OSBP2: variants seen among roughly 807,000 people sequenced by gnomAD.
The protein encoded by OSBP2 is oxysterol-binding protein 2.
Under a neutral mutation model 96.0 loss-of-function variants are expected in OSBP2, and 66 were observed. The observed-to-expected ratio is 0.69, with a 90% CI of 0.56 to 0.84. The LOEUF is 0.84. Ranked by LOEUF, OSBP2 falls within the 40% of genes least tolerant of loss-of-function variation. The pLI is 0.00. For missense variants in OSBP2, 1,038 were observed against 1,222.7 expected (o/e 0.85, Z 2.25); for synonymous variants, 525 against 520.9 (o/e 1.01, Z -0.11).
chr22:30,730,809 A>ATAT (rs1569100787), intron 1 of OSBP2, among the ~76,000 whole-genome samples: 7 of 21,250 alleles, frequency 3.3e-4, no homozygotes, highest in Non-Finnish European at 5.0e-4. Context: ...TATATATATA[A>ATAT]TTTTTTTTTT....
rs377696016 is a variant in OSBP2, at chr22:30,884,924, C to T, written c.1108-2502C>T. Among the ~76,000 whole-genome samples, 213 of 152,314 alleles carry T rather than the reference C, an allele frequency of 1.4e-3. 1 individual carries two copies. The highest frequency in any genetic ancestry group is 4.8e-3 in the African/African-American group (200 of 41,556). On this transcript the variant is annotated intron_variant, in intron 3 of 13. Transcript: ENST00000332585. ...CCGACCCAATGGGCAGGCATCTGAG[C>T]GGTTCTGACTGAGGGGCAGGCCGTT... is the stretch of plus-strand genomic sequence containing the variant.
chr22:30,774,885 T>C (rs2090408618), intron 2 of OSBP2, among the ~76,000 whole-genome samples: 1 of 152,226 alleles, frequency 6.6e-6, no homozygotes, highest in African/African-American at 2.4e-5. Context: ...GATGATAGCA[T>C]CACTTTTTAT....
rs759342507 is a variant in OSBP2, at chr22:30,906,214, T to G, written c.2626T>G (p.Tyr876Asp). 5 of 1,614,018 alleles carry G rather than the reference T, an allele frequency of 3.1e-6. No individual in the cohort carries two copies. The highest frequency in any genetic ancestry group is 3.4e-6 in the Non-Finnish European group (4 of 1,180,036). The change falls in exon 14 of 14, where the codon TAC (tyrosine) becomes GAC (aspartate). Residue 876 changes from tyrosine to aspartate, a missense_variant. Tyr to Asp is a radical substitution (Grantham distance 160). Coordinates refer to ENST00000332585, the MANE Select transcript of OSBP2 (RefSeq NM_030758.4). Reference protein sequence around the residue: ...SSEEEKEADAYTPLWFEKRLD... With the variant: ...SSEEEKEADADTPLWFEKRLD... ...CCCAGCAGAGAAGGAGGCGGATGCC[T>G]ACACGCCACTGTGGTTTGAGAAGAG...
intron 2 of OSBP2, among the ~76,000 whole-genome samples, chr22:30,776,040 C>T (rs1442454886): frequency 6.6e-6 from 1 of 151,992 alleles, no homozygotes; most frequent in African/African-American, 2.4e-5. Context: ...TAGTGATCTT[C>T]CCACTTCAGC....
intron 2 of OSBP2, among the ~76,000 whole-genome samples, chr22:30,857,130 C>T (rs962021084): frequency 5.9e-5 from 9 of 152,194 alleles, no homozygotes; most frequent in African/African-American, 9.6e-5. Flanking sequence ...TACCAGCCGA[C>T]GGTAGTGACT....
At chr22:30,779,932 C>T (rs1304637144) in intron 2 of OSBP2, among the ~76,000 whole-genome samples, 4 of 152,352 alleles carry the variant, frequency 2.6e-5, no homozygotes, top group Admixed American at 2.6e-4. Context: ...CTCCCCACAG[C>T]TTGTCTTCCC....
At chr22:30,768,506 G>A (rs1479061148) in intron 2 of OSBP2, among the ~76,000 whole-genome samples, 3 of 151,876 alleles carry the variant, frequency 2.0e-5, no homozygotes, top group South Asian at 2.1e-4. Context: ...GCGAAACCCC[G>A]TCTCTACTAA....
chr22:30,839,038 C>T (rs1245341312), intron 2 of OSBP2, among the ~76,000 whole-genome samples: 1 of 130,704 alleles, frequency 7.7e-6, no homozygotes, highest in African/African-American at 2.9e-5. Context: ...GTGATGGTCC[C>T]CTTCCGGTGT....
intron 2 of OSBP2, among the ~76,000 whole-genome samples, chr22:30,821,505 C>A (rs770360525): frequency 1.3e-5 from 2 of 152,116 alleles, no homozygotes; most frequent in Non-Finnish European, 2.9e-5. Flanking sequence ...TCCAGAGTTT[C>A]TGACCCGAAT....
At chr22:30,891,317 G>A (rs1358428245) in intron 8 of OSBP2, among the ~76,000 whole-genome samples, 2 of 152,194 alleles carry the variant, frequency 1.3e-5, no homozygotes, top group Non-Finnish European at 2.9e-5. Flanking sequence ...GGTCACTACC[G>A]AGCTGAAGGC....
At chr22:30,834,274 T>C (rs893256979) in intron 2 of OSBP2, among the ~76,000 whole-genome samples, 1 of 152,228 alleles carries the variant, frequency 6.6e-6, no homozygotes, top group African/African-American at 2.4e-5. Flanking sequence ...ACTTTGGGGC[T>C]ATTATAAATC....
intron 2 of OSBP2, among the ~76,000 whole-genome samples, chr22:30,827,472 A>G (rs771416683): frequency 8.5e-5 from 13 of 152,184 alleles, no homozygotes; most frequent in Non-Finnish European, 1.5e-4. Flanking sequence ...AGTAATACGT[A>G]TGGAAGCCCC....
At position 30,695,252 on chromosome 22, in the gene OSBP2, G is replaced by C. The variant is rs576508023; in HGVS notation, c.343G>C (p.Gly115Arg). Residue 115 changes from glycine (G) to arginine (R), a missense_variant, in exon 1 of 14, where the codon GGG (glycine) becomes CGG (arginine). By Grantham distance (125) the Gly-to-Arg change is moderately radical. Coordinates refer to ENST00000332585, the MANE Select transcript of OSBP2 (RefSeq NM_030758.4). The part of the protein sequence containing the change: ...RPGSESSSGV[G>R]AGPFTKAASE... ...GGGGTCAGAGTCAAGCTCAGGTGTAGGGGCTGGGCCCTTCACTAAGGCCGC... is the reference window on the plus strand; with the variant it reads ...GGGGTCAGAGTCAAGCTCAGGTGTACGGGCTGGGCCCTTCACTAAGGCCGC... 1.9e-5 allele frequency: 31 copies of C among 1,613,520 alleles called. No homozygotes were observed. The African/African-American group carries it at 3.9e-4, about 20-fold the overall frequency.
intron 2 of OSBP2, among the ~76,000 whole-genome samples, chr22:30,848,516 G>A (rs1052013509): frequency 2.0e-5 from 3 of 152,074 alleles, no homozygotes; most frequent in African/African-American, 7.2e-5. Context: ...ATACACCTGT[G>A]TAGCTGCCAC....
chr22:30,812,319 C>T (rs931581516), intron 2 of OSBP2, among the ~76,000 whole-genome samples: 3 of 152,142 alleles, frequency 2.0e-5, no homozygotes, highest in African/African-American at 7.2e-5. Flanking sequence ...GCGCGCACCA[C>T]CATGCCTGGC....
At chr22:30,750,893 C>T (rs1317873739) in intron 2 of OSBP2, among the ~76,000 whole-genome samples, 3 of 152,270 alleles carry the variant, frequency 2.0e-5, no homozygotes, top group Non-Finnish European at 2.9e-5. Flanking sequence ...AGGCATGTGC[C>T]ACCATGCCTG....
At chr22:30,707,979 C>G (rs1362306435) in intron 1 of OSBP2, among the ~76,000 whole-genome samples, 2 of 151,842 alleles carry the variant, frequency 1.3e-5, no homozygotes, top group Non-Finnish European at 2.9e-5. Flanking sequence ...CCTCTACTTC[C>G]TGGGTTCAAG....
At chr22:30,734,690 A>ATTT (rs2089825107) in intron 1 of OSBP2, among the ~76,000 whole-genome samples, 1 of 152,218 alleles carries the variant, frequency 6.6e-6, no homozygotes, top group Non-Finnish European at 1.5e-5. Context: ...TTAAAACTGA[A>ATTT]TAAAAAAGGT....
chr22:30,881,587 CT>C lies in OSBP2; in HGVS notation c.1108-5838del. On this transcript the variant is annotated intron_variant, in intron 3 of 13. Coordinates refer to ENST00000332585, the MANE Select transcript of OSBP2 (RefSeq NM_030758.4). The surrounding 1 kb of genome is among the most constrained non-coding windows in gnomAD (Gnocchi z 4.5). ...AGGCCTGGGCTGGGTCAGCCAGGCC[CT>C]CCCTGGGCCCCTGGGAACCTCCCCC... 1 of 1,194,314 alleles carries C rather than the reference CT, an allele frequency of 8.4e-7. No homozygotes were observed. The allele number at this position is 1,194,314 out of a possible 1,614,324, so 74.0% of individuals were successfully genotyped here. A position where few individuals can be genotyped will look rare whatever the true frequency, so the allele number is the denominator to read the frequency against.
Sources: allele counts gnomAD v4.1 joint callset (sites outside exome capture counted in the v4.1 genomes callset), GRCh38; gene constraint gnomAD v4.1.1; non-coding constraint Gnocchi (gnomAD v3.1); transcripts MANE v1.5; gene names NCBI Gene and HGNC (gene_info 2026-07-23, HGNC 2026-07-21).